Variants in RCC1L observed in about 807,000 individuals in gnomAD.
RCC1L encodes RCC1-like G exchanging factor-like protein.
RCC1L carries 46 observed loss-of-function variants against 58.6 expected under a neutral mutation model. That is an observed-to-expected ratio of 0.79 (90% CI 0.62 to 1.00). The LOEUF is 1.00. Among genes scored for constraint, RCC1L ranks in the 50% least tolerant of loss-of-function variants. The pLI is 0.00. For synonymous variants in RCC1L, 281 were observed against 262.9 expected (o/e 1.07, Z -0.67); for missense variants, 636 against 623.6 (o/e 1.02, Z -0.21).
In RCC1L at chr7:75,057,598, A is replaced by G; in HGVS notation, c.988T>C (p.Leu330=). The G allele has an allele frequency of 6.2e-7, 1 of 1,613,934 alleles. No homozygotes were observed. Among genetic ancestry groups the G allele is most frequent in the Admixed American group, 1.7e-5 (1 of 60,002 alleles). Residue 330 remains leucine (L), a synonymous_variant, in exon 8 of 11, where the codon TTA becomes CTA. Transcript: ENST00000610322. The part of the protein sequence containing the change: ...DSTQVNVPRC[L]HFSGVGKVRQ... ...ACCTTCCCCACTCCTGAGAAGTGTA[A>G]GCAGCGGGGCACATTCACCTGAACC... is the stretch of plus-strand genomic sequence containing the variant.
At chr7:75,058,470 A>G (rs1432641653) in intron 7 of RCC1L, 118 bp downstream of exon 7, 8 of 1,344,560 alleles carry the variant, frequency 5.9e-6, no homozygotes, top group Non-Finnish European at 8.3e-6. Context: ...ACCTCAAGCC[A>G]TCTGCCTGTC....
chr7:75,028,116 ATTT>A (rs71098023), intron 10 of RCC1L: 2,100 of 1,252,944 alleles, frequency 1.7e-3, no homozygotes, highest in East Asian at 2.7e-3. Context: ...ATGATGTGGA[ATTT>A]TTTTTTTTTT....
intron 9 of RCC1L, 189 bp downstream of exon 9, chr7:75,055,712 G>GA (rs1806054391): frequency 1.5e-6 from 1 of 676,102 alleles, no homozygotes; most frequent in African/African-American, 1.8e-5. Context: ...AACTCCAGGG[G>GA]GGGAAAACAA....
intron 10 of RCC1L, among the ~76,000 whole-genome samples, chr7:75,034,946 G>T (rs1805405200): frequency 6.6e-6 from 1 of 152,122 alleles, no homozygotes; most frequent in African/African-American, 2.4e-5. Context: ...CAGCCACTAT[G>T]GGTGGGGCCC....
chr7:75,039,177 G>A (rs1422739114), downstream of RCC1L, among the ~76,000 whole-genome samples: 1 of 152,190 alleles, frequency 6.6e-6, no homozygotes, highest in East Asian at 1.9e-4. Flanking sequence ...TGCCGTCCAG[G>A]TGAAGGCCAG....
chr7:75,073,632 G>A lies in RCC1L; in HGVS notation c.106C>T (p.Arg36Cys), dbSNP rs1554446528. 4 of 1,491,618 alleles carry A rather than the reference G, an allele frequency of 2.7e-6. No homozygotes were observed. Among genetic ancestry groups the A allele is most frequent in the Admixed American group, 2.3e-5 (1 of 43,540 alleles). The allele number at this position is 1,491,618 out of a possible 1,614,324, so 92.4% of individuals were successfully genotyped here. A position where few individuals can be genotyped will look rare whatever the true frequency, so the allele number is the denominator to read the frequency against. The change falls in exon 1 of 11, where the codon CGC becomes TGC. Residue 36 changes from arginine to cysteine, a missense_variant. Transcript: ENST00000610322. ...WTAAGRSRSR[R>C]EAAEAEAEVP... ...TCCGCCTCGGCTTCTGCCGCTTCGC[G>A]CCGGCTCCGGGAGCGCCCGGCCGCC... is the stretch of plus-strand genomic sequence containing the variant.
chr7:75,032,585 C>T (rs1805332595), intron 10 of RCC1L, among the ~76,000 whole-genome samples: 1 of 152,142 alleles, frequency 6.6e-6, no homozygotes, highest in African/African-American at 2.4e-5. Flanking sequence ...AGACCCATCC[C>T]TGCCCTAGGC....
At chr7:75,064,347 T>A (rs971202945) in intron 4 of RCC1L, among the ~76,000 whole-genome samples, 5 of 150,454 alleles carry the variant, frequency 3.3e-5, no homozygotes, top group African/African-American at 4.9e-5. Context: ...AAAAAAAAAA[T>A]TTATCCGGAG....
Position 75,042,683 on chromosome 7 carries a change from G to A in RCC1L, c.*349C>T, listed in dbSNP as rs1477214933. 13 of 1,186,128 alleles carry A rather than the reference G, an allele frequency of 1.1e-5. No individual in the cohort carries two copies. The highest frequency in any genetic ancestry group is 2.1e-5 in the South Asian group (1 of 48,160). The allele number at this position is 1,186,128 out of a possible 1,614,324, so 73.5% of individuals were successfully genotyped here. A position where few individuals can be genotyped will look rare whatever the true frequency, so the allele number is the denominator to read the frequency against. On this transcript the variant is annotated 3_prime_UTR_variant, in exon 11 of 11. Transcript: ENST00000610322. ...ATGACAGACAGAGCAGAAACCTCCC[G>A]AGCACTGTGTTCAAGCTAAGCTTTC... is the stretch of plus-strand genomic sequence containing the variant.
At chr7:75,047,936 C>T (rs1452352986) in intron 10 of RCC1L, among the ~76,000 whole-genome samples, 4 of 131,738 alleles carry the variant, frequency 3.0e-5, no homozygotes, top group Non-Finnish European at 4.7e-5. Context: ...TGAGCCATAG[C>T]GCCTGGCCAA....
chr7:75,030,454 C>T (rs974225879), intron 10 of RCC1L, among the ~76,000 whole-genome samples: 2 of 152,174 alleles, frequency 1.3e-5, no homozygotes, highest in Admixed American at 6.5e-5. Context: ...GGCCTCACCC[C>T]ACTTGTCAGA....
chr7:75,067,353 G>A (rs117450093), intron 2 of RCC1L, among the ~76,000 whole-genome samples: 4,660 of 151,746 alleles, frequency 0.031, 119 homozygotes, highest in Non-Finnish European at 0.047. Context: ...AATCTTGGCC[G>A]GGCAGTGGCT....
At chr7:75,038,573 C>T (rs1225048500), downstream of RCC1L, among the ~76,000 whole-genome samples, 3 of 150,488 alleles carry the variant, frequency 2.0e-5, no homozygotes, top group Admixed American at 6.7e-5. Flanking sequence ...CATTCCTACT[C>T]CATGGGTGGG....
At chr7:75,062,024 C>T (rs1806292748) in intron 5 of RCC1L, among the ~76,000 whole-genome samples, 2 of 151,626 alleles carry the variant, frequency 1.3e-5, no homozygotes, top group African/African-American at 4.8e-5. Flanking sequence ...CCCATCTCTA[C>T]TAAAAATACA....
intron 1 of RCC1L, among the ~76,000 whole-genome samples, chr7:75,072,736 T>G (rs113683703): frequency 6.6e-6 from 1 of 152,122 alleles, no homozygotes; most frequent in South Asian, 2.1e-4. Flanking sequence ...TCCCAGCACT[T>G]TGGGAGGCCA....
At chr7:75,063,491 G>T in intron 4 of RCC1L, 148 bp from the exon 5 acceptor site, 1 of 868,668 alleles carries the variant, frequency 1.2e-6, no homozygotes, top group Admixed American at 1.9e-5. Flanking sequence ...ATCTTAGGTC[G>T]AGTCAGGCCT....
chr7:75,056,156 G>C (rs1554443922), intron 8 of RCC1L, 82 bp from the exon 9 acceptor site: 1 of 1,523,196 alleles, frequency 6.6e-7, no homozygotes, highest in Non-Finnish European at 9.1e-7. Context: ...ACACCACCAA[G>C]GTTTATGACA....
At chr7:75,055,720 C>G in intron 9 of RCC1L, 181 bp downstream of exon 9, 1 of 705,876 alleles carries the variant, frequency 1.4e-6, no homozygotes, top group South Asian at 1.8e-5. Context: ...GGGGGGAAAA[C>G]AAGACATTAT....
At chr7:75,067,044 G>A (rs1175033540) in intron 2 of RCC1L, among the ~76,000 whole-genome samples, 2 of 152,284 alleles carry the variant, frequency 1.3e-5, no homozygotes, top group East Asian at 1.9e-4. Context: ...GCTCATGCCT[G>A]TAATCCCAGC....
Sources: allele counts gnomAD v4.1 joint callset (sites outside exome capture counted in the v4.1 genomes callset), GRCh38; gene constraint gnomAD v4.1.1; transcripts MANE v1.5; gene names NCBI Gene and HGNC (gene_info 2026-07-23, HGNC 2026-07-21).